TMEM87A: variants seen among roughly 807,000 people sequenced by gnomAD.
TMEM87A encodes transmembrane protein 87A.
TMEM87A carries 50 observed loss-of-function variants against 90.0 expected under a neutral mutation model. That is an observed-to-expected ratio of 0.56 (90% confidence interval 0.44 to 0.70). TMEM87A has a LOEUF of 0.70. TMEM87A is among the 30% of genes least tolerant of loss of function. The pLI is 0.00. For synonymous variants in TMEM87A, 226 were observed against 226.7 expected (o/e 1.00, Z 0.03); for missense variants, 577 against 660.5 (o/e 0.87, Z 1.39).
chr15:42,239,805 T>C, intron 7 of TMEM87A, 74 bp from the exon 8 acceptor site: 1 of 1,259,556 alleles, frequency 7.9e-7, no homozygotes, highest in Non-Finnish European at 1.2e-6. Flanking sequence ...AATATTTGTT[T>C]AATGAACTTA....
At chr15:42,263,843 G>T (rs76735970) in intron 4 of TMEM87A, among the ~76,000 whole-genome samples, 6,593 of 152,240 alleles carry the variant, frequency 0.043, 206 homozygotes, top group Middle Eastern at 0.088. Flanking sequence ...TGGTTAAAAT[G>T]GTAAATTTTA....
At chr15:42,250,911 A>G (rs1455583107) in intron 6 of TMEM87A, among the ~76,000 whole-genome samples, 2 of 152,156 alleles carry the variant, frequency 1.3e-5, no homozygotes, top group Non-Finnish European at 2.9e-5. Flanking sequence ...ACACAGTCCC[A>G]TATTTCTTGC....
intron 8 of TMEM87A, 41 bp from the exon 9 acceptor site, chr15:42,237,656 G>A (rs2050797295): frequency 1.4e-6 from 2 of 1,468,798 alleles, no homozygotes; most frequent in Non-Finnish European, 1.8e-6. Context: ...GAGAATTAGG[G>A]CCAAGAGCCA....
chr15:42,215,834 C>A (rs961812576), intron 19 of TMEM87A, among the ~76,000 whole-genome samples: 1 of 152,092 alleles, frequency 6.6e-6, no homozygotes, highest in African/African-American at 2.4e-5. Context: ...ATGAAAGCTC[C>A]TCAAAAAAAT....
At chr15:42,232,980 C>T (rs1404826503) in intron 11 of TMEM87A, 2 of 290,046 alleles carry the variant, frequency 6.9e-6, no homozygotes, top group East Asian at 1.2e-4. Flanking sequence ...GGAACTAAAA[C>T]AATTAGCAAT....
chr15:42,262,669 G>A lies in TMEM87A; in HGVS notation c.406-1420C>T, dbSNP rs139908282. Among the ~76,000 whole-genome samples, 1,288 of 151,952 alleles carry A rather than the reference G, an allele frequency of 8.5e-3. 13 individuals are homozygous for A. Among genetic ancestry groups the A allele is most frequent in the African/African-American group, 0.028 (1,142 of 41,466 alleles). ...TGACCTCAGGTGATCCGCCCACCTC[G>A]GCCTCCCAAAGTGCTGGGATTACAG... On this transcript the variant is annotated intron_variant, in intron 4 of 19. Coordinates refer to ENST00000389834, the MANE Select transcript of TMEM87A (RefSeq NM_015497.5).
At chr15:42,263,501 T>C (rs2051337337) in intron 4 of TMEM87A, among the ~76,000 whole-genome samples, 1 of 152,140 alleles carries the variant, frequency 6.6e-6, no homozygotes, top group Non-Finnish European at 1.5e-5. Flanking sequence ...TCCCAGCATT[T>C]TGGGAGGCCA....
intron 12 of TMEM87A, among the ~76,000 whole-genome samples, chr15:42,230,087 A>G (rs1595716597): frequency 6.6e-6 from 1 of 152,332 alleles, no homozygotes; most frequent in African/African-American, 2.4e-5. Flanking sequence ...TCAGCCTCCC[A>G]AAGTGCTGGG....
intron 2 of TMEM87A, among the ~76,000 whole-genome samples, chr15:42,270,638 T>C (rs1011975509): frequency 4.6e-5 from 7 of 151,916 alleles, no homozygotes; most frequent in African/African-American, 1.7e-4. Context: ...CACCACTAGA[T>C]CAAACTACAC....
intron 15 of TMEM87A, 133 bp from the exon 16 acceptor site, chr15:42,220,268 T>A: frequency 1.5e-6 from 1 of 651,832 alleles, no homozygotes; most frequent in Non-Finnish European, 2.6e-6. Context: ...TAATAATATT[T>A]CTTCCCCTTC....
At chr15:42,233,344 G>T in intron 10 of TMEM87A, 38 bp from the exon 11 acceptor site, 2 of 1,498,196 alleles carry the variant, frequency 1.3e-6, no homozygotes, top group South Asian at 1.2e-5. Flanking sequence ...GTACATATGG[G>T]ACAAATGCCG....
chr15:42,220,261 T>C (rs765320763), intron 15 of TMEM87A, 126 bp from the exon 16 acceptor site: 1 of 670,156 alleles, frequency 1.5e-6, no homozygotes, highest in Non-Finnish European at 2.5e-6. Flanking sequence ...AGTTTAATAA[T>C]AATATTTCTT....
chr15:42,247,315 C>G (rs1404893064), intron 6 of TMEM87A, among the ~76,000 whole-genome samples: 1 of 152,184 alleles, frequency 6.6e-6, no homozygotes, highest in African/African-American at 2.4e-5. Context: ...TCTATTCTGG[C>G]TTTTGTTGCC....
In TMEM87A at chr15:42,233,278, C is replaced by T; in HGVS notation, c.997G>A (p.Val333Ile). The change falls in exon 11 of 20, where the codon GTT becomes ATT. Residue 333 changes from valine to isoleucine, a missense_variant. Coordinates refer to ENST00000389834, the MANE Select transcript of TMEM87A (RefSeq NM_015497.5). ...KPRLGVTLHKVVVAGALYLLF... is the reference protein window; with the variant it reads ...KPRLGVTLHKIVVAGALYLLF... ...AGATAGAGGGCTCCTGCTACTACAACCTTATGAAGAGTGACTCCAAGGCGT... is the reference window on the plus strand; with the variant it reads ...AGATAGAGGGCTCCTGCTACTACAATCTTATGAAGAGTGACTCCAAGGCGT... The T allele has an allele frequency of 6.2e-7, 1 of 1,613,982 alleles. No homozygotes were observed. The highest frequency in any genetic ancestry group is 8.5e-7 in the Non-Finnish European group (1 of 1,179,976).
chr15:42,273,034 T>C (rs1281087276), intron 1 of TMEM87A: 7 of 674,560 alleles, frequency 1.0e-5, no homozygotes, highest in Admixed American at 2.2e-5. Context: ...ACCACTCCTT[T>C]CTGTTGCTGA....
At chr15:42,260,445 T>C (rs1247617264) in intron 6 of TMEM87A, among the ~76,000 whole-genome samples, 2 of 152,214 alleles carry the variant, frequency 1.3e-5, no homozygotes, top group African/African-American at 2.4e-5. Flanking sequence ...AATTAAAAAC[T>C]TTAATCAGCT....
chr15:42,218,023 A>T, intron 18 of TMEM87A, 190 bp from the exon 19 acceptor site: 2 of 662,908 alleles, frequency 3.0e-6, no homozygotes, highest in Non-Finnish European at 5.0e-6. Flanking sequence ...TAGAAAAAAA[A>T]CGTATTTTGC....
intron 6 of TMEM87A, among the ~76,000 whole-genome samples, chr15:42,244,504 C>G (rs1413590950): frequency 1.3e-4 from 19 of 151,586 alleles, no homozygotes. Flanking sequence ...GCAGACATTA[C>G]AAAGGAATTT....
chr15:42,215,743 A>T (rs747676190), intron 19 of TMEM87A, among the ~76,000 whole-genome samples: 4 of 152,168 alleles, frequency 2.6e-5, no homozygotes, highest in Non-Finnish European at 4.4e-5. Flanking sequence ...AAAAATAACA[A>T]ATGTGGGCAA....
Sources: allele counts gnomAD v4.1 joint callset (sites outside exome capture counted in the v4.1 genomes callset), GRCh38; gene constraint gnomAD v4.1.1; transcripts MANE v1.5; gene names NCBI Gene and HGNC (gene_info 2026-07-23, HGNC 2026-07-21).